B3GALNT2: variants seen among roughly 807,000 people sequenced by gnomAD.
B3GALNT2 encodes the protein UDP-GalNAc:beta-1,3-N-acetylgalactosaminyltransferase 2.
B3GALNT2 carries 53 observed loss-of-function variants against 61.1 expected under a neutral mutation model. That is an observed-to-expected ratio of 0.87 (90% CI 0.70 to 1.09). The LOEUF (loss-of-function observed/expected upper bound fraction) is 1.09, where lower values mean the gene tolerates loss of function less well. Among genes scored for constraint, B3GALNT2 ranks in the 50% least tolerant of loss-of-function variants. The pLI is 0.00. For missense variants in B3GALNT2, 544 were observed against 623.0 expected (o/e 0.87, Z 1.35); for synonymous variants, 223 against 237.4 (o/e 0.94, Z 0.56).
At chr1:235,450,418 C>A (rs1572474808) in intron 11 of B3GALNT2, 78 bp from the exon 12 acceptor site, 1 of 1,485,794 alleles carries the variant, frequency 6.7e-7, no homozygotes, top group East Asian at 2.3e-5. Context: ...ACGTAGACAG[C>A]TTTTATGTAT....
intron 9 of B3GALNT2, 116 bp from the exon 10 acceptor site, chr1:235,454,431 A>C (rs1683071291): frequency 9.2e-7 from 1 of 1,083,536 alleles, no homozygotes; most frequent in African/African-American, 1.7e-5. Flanking sequence ...GTGAGGAAAG[A>C]AAATAAGAAA....
chr1:235,445,829 A>G (rs926823531), downstream of B3GALNT2, among the ~76,000 whole-genome samples: 14 of 152,148 alleles, frequency 9.2e-5, no homozygotes, highest in African/African-American at 3.4e-4. Flanking sequence ...GTAATGGTAA[A>G]GATAGTAAGA....
intron 7 of B3GALNT2, among the ~76,000 whole-genome samples, chr1:235,461,418 T>C (rs1391119116): frequency 6.6e-6 from 1 of 152,000 alleles, no homozygotes; most frequent in Non-Finnish European, 1.5e-5. Context: ...CCCAGGAATC[T>C]ATATTTTTAA....
chr1:235,502,641 C>G (rs1685633924), intron 1 of B3GALNT2, among the ~76,000 whole-genome samples: 2 of 152,154 alleles, frequency 1.3e-5, no homozygotes, highest in Admixed American at 6.6e-5. Flanking sequence ...GTAGGAAAAA[C>G]TTGTCTCAAA....
At chr1:235,461,522 T>TTG (rs1553344825) in intron 7 of B3GALNT2, among the ~76,000 whole-genome samples, 1 of 137,532 alleles carries the variant, frequency 7.3e-6, no homozygotes, top group South Asian at 2.5e-4. Context: ...TTTTTTTTTT[T>TTG]TTTTTTTTTT....
At chr1:235,478,711 T>C (rs754944490) in intron 5 of B3GALNT2, among the ~76,000 whole-genome samples, 9 of 152,244 alleles carry the variant, frequency 5.9e-5, no homozygotes, top group East Asian at 1.9e-4. Flanking sequence ...TGTAATTCTA[T>C]ATAGCCATTA....
chr1:235,503,898 G>C (rs1257241781), intron 1 of B3GALNT2, among the ~76,000 whole-genome samples: 1 of 152,228 alleles, frequency 6.6e-6, no homozygotes, highest in African/African-American at 2.4e-5. Flanking sequence ...TGCGGGCGCC[G>C]GCTCTGCGGG....
intron 1 of B3GALNT2, among the ~76,000 whole-genome samples, chr1:235,498,286 C>T (rs1685419916): frequency 6.6e-6 from 1 of 151,942 alleles, no homozygotes; most frequent in South Asian, 2.1e-4. Flanking sequence ...ACCTAGTTGA[C>T]TCCAGTGTCT....
downstream of B3GALNT2, among the ~76,000 whole-genome samples, chr1:235,444,312 C>T (rs1449648894): frequency 6.6e-6 from 1 of 151,654 alleles, no homozygotes; most frequent in African/African-American, 2.4e-5. Context: ...TAGTGATTTC[C>T]CCCTTCATTA....
intron 6 of B3GALNT2, among the ~76,000 whole-genome samples, chr1:235,467,873 G>A (rs1466970876): frequency 5.3e-5 from 8 of 152,150 alleles, no homozygotes; most frequent in African/African-American, 1.9e-4. Flanking sequence ...TCTGCCTCCC[G>A]GGTTCAAGTG....
At chr1:235,451,632 A>C (rs983831180) in intron 11 of B3GALNT2, 2 of 152,194 alleles carry the variant, frequency 1.3e-5, no homozygotes, top group African/African-American at 4.8e-5. Flanking sequence ...AAGTACAGCA[A>C]AGGAATCAGA....
Position 235,447,644 on chromosome 1 carries a change from C to T in B3GALNT2, c.*2562G>A, listed in dbSNP as rs1237638111. ...AGATGTCCTCAGGATACCTGAGTCC[C>T]ATTCCAGTGTTCGTTCAGTAATTCA... On this transcript the variant is annotated 3_prime_UTR_variant, in exon 12 of 12. Transcript: ENST00000366600. Among the ~76,000 whole-genome samples the T allele has an allele frequency of 3.3e-5, 5 of 152,180 alleles. No homozygotes were observed. The highest frequency in any genetic ancestry group is 9.7e-5 in the African/African-American group (4 of 41,438).
intron 5 of B3GALNT2, among the ~76,000 whole-genome samples, chr1:235,478,754 A>G (rs1684417642): frequency 1.3e-5 from 2 of 152,232 alleles, no homozygotes; most frequent in South Asian, 2.1e-4. Context: ...GATGTTCGTG[A>G]TATGTTAAAG....
In B3GALNT2 at chr1:235,448,135, G is replaced by A. The variant is rs1405012771; in HGVS notation, c.*2071C>T. Among the ~76,000 whole-genome samples the A allele has an allele frequency of 2.0e-5, 3 of 150,832 alleles. No individual in the cohort carries two copies. Among genetic ancestry groups the A allele is most frequent in the Non-Finnish European group, 2.9e-5 (2 of 67,864 alleles). On this transcript the variant is annotated 3_prime_UTR_variant, in exon 12 of 12. Coordinates refer to ENST00000366600, the MANE Select transcript of B3GALNT2 (RefSeq NM_152490.5). Reference sequence around the variant, plus strand: ...GAATTGTTTGAACCCGGGAAGCGGAGGTTGCAGTGAGCCGAGATTACACCA... The same window carrying A: ...GAATTGTTTGAACCCGGGAAGCGGAAGTTGCAGTGAGCCGAGATTACACCA...
downstream of B3GALNT2, among the ~76,000 whole-genome samples, chr1:235,442,235 A>G (rs112244673): frequency 0.011 from 1,683 of 152,150 alleles, 12 homozygotes; most frequent in South Asian, 0.016. Context: ...CAGTGGCACG[A>G]TCTTGGCTCA....
chr1:235,482,353 G>A (rs1299342127), intron 4 of B3GALNT2, among the ~76,000 whole-genome samples: 2 of 151,958 alleles, frequency 1.3e-5, no homozygotes, highest in African/African-American at 2.4e-5. Flanking sequence ...GGACAGAGTT[G>A]GGGCAAACAC....
intron 3 of B3GALNT2, among the ~76,000 whole-genome samples, chr1:235,485,035 T>TG (rs1684737496): frequency 6.6e-6 from 1 of 152,248 alleles, no homozygotes; most frequent in Admixed American, 6.5e-5. Flanking sequence ...GAAAAACTCT[T>TG]GCTGTACAGC....
At chr1:235,486,694 T>TA (rs1360905936) in intron 3 of B3GALNT2, among the ~76,000 whole-genome samples, 1 of 152,252 alleles carries the variant, frequency 6.6e-6, no homozygotes, top group African/African-American at 2.4e-5. Flanking sequence ...TCTTTTAACA[T>TA]AAAGTTCTAC....
intron 4 of B3GALNT2, among the ~76,000 whole-genome samples, chr1:235,481,690 C>CA (rs1462005236): frequency 6.6e-6 from 1 of 151,770 alleles, no homozygotes; most frequent in Non-Finnish European, 1.5e-5. Flanking sequence ...ACAAGTGTAT[C>CA]AAAAAAATTC....
Sources: gnomAD v4.1 joint callset for allele counts (sites outside exome capture counted in the v4.1 genomes callset) on GRCh38, gnomAD v4.1.1 for gene constraint, MANE v1.5 for transcripts, NCBI Gene and HGNC (gene_info 2026-07-23, HGNC 2026-07-21) for gene names.